ANXA8: variants seen among roughly 807,000 people sequenced by gnomAD.
ANXA8 encodes annexin A8, also known as VAC-beta.
In ANXA8, 9 loss-of-function variants were observed where a neutral mutation model predicts 26.8. The observed-to-expected ratio is 0.34, with a 90% CI of 0.20 to 0.59. ANXA8 has a LOEUF of 0.59. ANXA8 is among the 20% of genes least tolerant of loss of function. The probability of loss-of-function intolerance (pLI) is 0.84; values close to 1 mark genes in which losing one functional copy is unlikely to be tolerated. For missense variants in ANXA8, 83 were observed against 238.5 expected, an observed-to-expected ratio of 0.35 and a Z score of 4.29; for synonymous variants, 39 against 94.8, an observed-to-expected ratio of 0.41 and a Z score of 3.42.
At chr10:47,711,140 A>G in the ANXA8 span, among the ~76,000 whole-genome samples, 1 of 145,134 alleles carries the variant, frequency 6.9e-6, no homozygotes, top group Non-Finnish European at 1.5e-5. Context: ...TTAATGTTCA[A>G]TAAATTACAG....
the ANXA8 span, among the ~76,000 whole-genome samples, chr10:47,620,892 C>T: frequency 9.1e-6 from 1 of 109,678 alleles, no homozygotes; most frequent in Non-Finnish European, 2.0e-5. Context: ...TTTCTAGGAT[C>T]TCAGGACAAT....
At chr10:47,982,683 T>A in the ANXA8 span, among the ~76,000 whole-genome samples, 1 of 145,970 alleles carries the variant, frequency 6.9e-6, no homozygotes, top group African/African-American at 2.5e-5. Flanking sequence ...AAAGCAGAAG[T>A]GACCAAACAA....
At chr10:47,659,600 C>T in the ANXA8 span, among the ~76,000 whole-genome samples, 9 of 150,604 alleles carry the variant, frequency 6.0e-5, 1 homozygote, top group African/African-American at 2.0e-4. Flanking sequence ...TGCTTGAACC[C>T]GGGAGGCAGA....
chr10:47,559,630 A>T, the ANXA8 span, among the ~76,000 whole-genome samples: 1 of 151,854 alleles, frequency 6.6e-6, no homozygotes, highest in East Asian at 1.9e-4. Context: ...GGTGCACTTT[A>T]AAATTTTTTG....
chr10:47,691,055 C>G, the ANXA8 span: 1 of 1,610,768 alleles, frequency 6.2e-7, no homozygotes, highest in South Asian at 1.1e-5. Context: ...GGTGCTATCT[C>G]CATGCCATGT....
At chr10:47,982,444 A>G in the ANXA8 span, among the ~76,000 whole-genome samples, 3 of 149,856 alleles carry the variant, frequency 2.0e-5, no homozygotes, top group South Asian at 2.2e-4. Context: ...GATTTTTGAC[A>G]AAGGTGTCAA....
the ANXA8 span, among the ~76,000 whole-genome samples, chr10:47,705,870 G>A: frequency 6.6e-6 from 1 of 151,258 alleles, no homozygotes; most frequent in African/African-American, 2.4e-5. Context: ...GGGGCATCGC[G>A]GCGTCCCCTT....
At chr10:47,656,020 C>T in the ANXA8 span, among the ~76,000 whole-genome samples, 1 of 151,922 alleles carries the variant, frequency 6.6e-6, no homozygotes, top group South Asian at 2.1e-4. Flanking sequence ...AACTCAGTCT[C>T]AAACAAAAAA....
the ANXA8 span, chr10:47,986,951 G>C: frequency 1.9e-6 from 1 of 516,458 alleles, no homozygotes; most frequent in East Asian, 3.9e-5. Context: ...CACGAGGGGG[G>C]ACGCGACCTC....
At chr10:47,513,937 G>A in the ANXA8 span, among the ~76,000 whole-genome samples, 1 of 136,224 alleles carries the variant, frequency 7.3e-6, no homozygotes, top group South Asian at 2.4e-4. Flanking sequence ...AAAAGTTCTA[G>A]AAGATAACAT....
At chr10:47,484,218 G>A, upstream of ANXA8, 3 of 725,392 alleles carry the variant, frequency 4.1e-6, no homozygotes, top group Non-Finnish European at 7.5e-6. Context: ...TTGGGCTGTG[G>A]CTGTTACGCA....
the ANXA8 span, among the ~76,000 whole-genome samples, chr10:47,883,477 T>A: frequency 9.6e-5 from 1 of 10,374 alleles, no homozygotes; most frequent in African/African-American, 4.9e-4. Flanking sequence ...CCAGCTGAAC[T>A]GCAATGATGC....
At chr10:47,696,798 A>G in the ANXA8 span, among the ~76,000 whole-genome samples, 3 of 149,362 alleles carry the variant, frequency 2.0e-5, no homozygotes, top group Admixed American at 6.7e-5. Context: ...TTGAGAATCT[A>G]TAGACCATTT....
chr10:47,526,597 C>T, the ANXA8 span, among the ~76,000 whole-genome samples: 1 of 127,916 alleles, frequency 7.8e-6, no homozygotes, highest in African/African-American at 3.4e-5. Flanking sequence ...ACCTGGGATA[C>T]AAACCCACCT....
chr10:47,947,573 G>T, the ANXA8 span, among the ~76,000 whole-genome samples: 1 of 150,780 alleles, frequency 6.6e-6, no homozygotes, highest in African/African-American at 2.5e-5. Context: ...CATGGGGGCA[G>T]ATTTCCCCCT....
At chr10:47,716,644 T>C in the ANXA8 span, among the ~76,000 whole-genome samples, 11 of 45,124 alleles carry the variant, frequency 2.4e-4, no homozygotes, top group Non-Finnish European at 3.9e-4. Context: ...AGTTCTACAC[T>C]GAAACATTTA....
At chr10:47,708,075 A>T in the ANXA8 span, among the ~76,000 whole-genome samples, 2 of 138,556 alleles carry the variant, frequency 1.4e-5, no homozygotes, top group African/African-American at 5.0e-5. Flanking sequence ...GCGGTGGCTC[A>T]TGCCTGTAAT....
chr10:47,973,845 C>T, the ANXA8 span, among the ~76,000 whole-genome samples: 2 of 151,246 alleles, frequency 1.3e-5, no homozygotes, highest in African/African-American at 4.8e-5. Context: ...AGGATTGGTA[C>T]CAGTTCTTTG....
the ANXA8 span, among the ~76,000 whole-genome samples, chr10:47,676,228 A>C: frequency 6.6e-6 from 1 of 151,800 alleles, no homozygotes; most frequent in Non-Finnish European, 1.5e-5. Flanking sequence ...TTGGAGTTTC[A>C]GAAGGAGAGA....
Sources: allele counts gnomAD v4.1 joint callset (sites outside exome capture counted in the v4.1 genomes callset), GRCh38; gene constraint gnomAD v4.1.1; transcripts MANE v1.5; gene names NCBI Gene and HGNC (gene_info 2026-07-23, HGNC 2026-07-21).